The following KIF5C variants were observed in gnomAD, a reference collection of about 807,000 sequenced individuals.
KIF5C encodes the protein kinesin heavy chain isoform 5C.
A neutral mutation model predicts 125.2 loss-of-function variants in KIF5C; 18 were observed. That is an observed-to-expected ratio of 0.14 (90% CI 0.10 to 0.21). KIF5C has a LOEUF of 0.21. Ranked by LOEUF, KIF5C falls within the 10% of genes least tolerant of loss-of-function variation. KIF5C has a pLI of 1.00. For synonymous variants in KIF5C, 405 were observed against 434.0 expected (o/e 0.93, Z 0.83); for missense variants, 780 against 1,183.8 (o/e 0.66, Z 5.01).
intron 7 of KIF5C, 36 bp from the exon 8 acceptor site, chr2:148,946,863 G>A: frequency 6.2e-7 from 1 of 1,605,722 alleles, no homozygotes; most frequent in Non-Finnish European, 8.5e-7. Context: ...AAACCTACAT[G>A]TTCTTTGTAG....
At chr2:148,950,078 T>C (rs1313270055) in intron 9 of KIF5C, 135 bp downstream of exon 9, 3 of 1,387,190 alleles carry the variant, frequency 2.2e-6, no homozygotes, top group Admixed American at 5.6e-5. Flanking sequence ...ATCCTGGCTA[T>C]GGATGCCTGC....
intron 11 of KIF5C, among the ~76,000 whole-genome samples, chr2:148,971,863 C>T (rs781379936): frequency 2.0e-5 from 3 of 152,092 alleles, no homozygotes; most frequent in Non-Finnish European, 4.4e-5. Flanking sequence ...CAGGTGGGTT[C>T]CTTGAAGCAT....
At chr2:148,910,379 A>T (rs565662438) in intron 1 of KIF5C, among the ~76,000 whole-genome samples, 1 of 152,330 alleles carries the variant, frequency 6.6e-6, no homozygotes, top group Non-Finnish European at 1.5e-5. Context: ...GTCACTTGTA[A>T]AATGAAGAGT....
In KIF5C at chr2:149,010,265, G is replaced by A. The variant is rs1558947309; in HGVS notation, c.2681G>A (p.Arg894His). Residue 894 changes from arginine (R) to histidine (H), a missense_variant, in exon 24 of 26, where the codon CGT (arginine) becomes CAT (histidine). Physicochemically the swap from Arg to His is conservative, Grantham distance 29. Transcript: ENST00000435030. ...KEAKENAMRD[R>H]KRYQQEVDRI... ...GCCAAGGAGAACGCCATGCGGGACC[G>A]TAAGCGCTACCAGCAGGAGGTGGAT... 3.1e-6 allele frequency: 5 copies of A among 1,593,774 alleles called. No individual in the cohort carries two copies. The highest frequency in any genetic ancestry group is 4.3e-6 in the Non-Finnish European group (5 of 1,170,514).
At chr2:148,893,301 C>G (rs1317097177) in intron 1 of KIF5C, among the ~76,000 whole-genome samples, 2 of 152,214 alleles carry the variant, frequency 1.3e-5, no homozygotes, top group African/African-American at 2.4e-5. Context: ...TGCCAATTCT[C>G]TGCTCAAAAA....
Position 148,981,509 on chromosome 2 carries a change from A to T in KIF5C, c.1517A>T (p.Glu506Val). 3 of 1,606,956 alleles carry T rather than the reference A, an allele frequency of 1.9e-6. No individual in the cohort carries two copies. The highest frequency in any genetic ancestry group is 2.5e-6 in the Non-Finnish European group (3 of 1,176,712). ...TATGACCAGAAATCACAGGAAGTGGAGGATAAGACCCGGGCCAATGAGCAG... is the reference window on the plus strand; with the variant it reads ...TATGACCAGAAATCACAGGAAGTGGTGGATAAGACCCGGGCCAATGAGCAG... ...VNYDQKSQEV[E>V]DKTRANEQLT... The change falls in exon 14 of 26, where the codon GAG becomes GTG. Residue 506 changes from glutamate to valine, a missense_variant. This residue lies in a region of KIF5C where 573 missense variants were observed against 742.6 expected (regional missense o/e 0.77). Coordinates refer to ENST00000435030, the MANE Select transcript of KIF5C (RefSeq NM_004522.3).
intron 1 of KIF5C, among the ~76,000 whole-genome samples, chr2:148,917,448 A>T (rs1272255112): frequency 6.6e-6 from 1 of 152,244 alleles, no homozygotes; most frequent in Admixed American, 6.5e-5. Context: ...AATAGAGCAG[A>T]TAATATGGCT....
At chr2:148,911,170 G>A (rs1400107531) in intron 1 of KIF5C, among the ~76,000 whole-genome samples, 1 of 152,202 alleles carries the variant, frequency 6.6e-6, no homozygotes, top group Non-Finnish European at 1.5e-5. Context: ...CTACAGGAAT[G>A]TTTGTGCCTT....
At chr2:148,908,272 C>T (rs991429899) in intron 1 of KIF5C, among the ~76,000 whole-genome samples, 1 of 152,218 alleles carries the variant, frequency 6.6e-6, no homozygotes, top group Non-Finnish European at 1.5e-5. Context: ...CCACAGTCTG[C>T]ACATTCTTTA....
At position 148,973,413 on chromosome 2, in the gene KIF5C, A is replaced by G. The variant is rs1290380797; in HGVS notation, c.1195A>G (p.Ile399Val). ...GGAGCCTTGTGATAACACCCCCATCATAGACAATATTGCTCCTGTTGTTGC... is the reference window on the plus strand; with the variant it reads ...GGAGCCTTGTGATAACACCCCCATCGTAGACAATATTGCTCCTGTTGTTGC... ...NLEPCDNTPIIDNIAPVVAGI... is the reference protein window; with the variant it reads ...NLEPCDNTPIVDNIAPVVAGI... Residue 399 changes from isoleucine (I) to valine (V), a missense_variant, in exon 12 of 26, where the codon ATA becomes GTA. Ile to Val is a conservative substitution (Grantham distance 29). Around this residue, in one of 2 missense-constraint regions of KIF5C, gnomAD observed 573 missense variants for 742.6 expected, o/e 0.77. Coordinates refer to ENST00000435030, the MANE Select transcript of KIF5C (RefSeq NM_004522.3). The G allele has an allele frequency of 1.9e-6, 3 of 1,613,786 alleles. No homozygotes were observed. The highest frequency in any genetic ancestry group is 4.5e-5 in the East Asian group (2 of 44,882).
chr2:148,939,501 A>T (rs958419194), intron 4 of KIF5C, among the ~76,000 whole-genome samples: 7 of 152,226 alleles, frequency 4.6e-5, no homozygotes, highest in Non-Finnish European at 8.8e-5. Flanking sequence ...TCCTGGAATA[A>T]GATGTTAAAC....
intron 1 of KIF5C, among the ~76,000 whole-genome samples, chr2:148,909,898 T>C (rs2105065913): frequency 6.6e-6 from 1 of 152,340 alleles, no homozygotes; most frequent in South Asian, 2.1e-4. Context: ...GACTATTATG[T>C]GTTGTCTCTG....
chr2:148,875,801 A>G, intron 1 of KIF5C, 58 bp downstream of exon 1: 1 of 1,551,786 alleles, frequency 6.4e-7, no homozygotes, highest in Middle Eastern at 2.1e-4. Flanking sequence ...GGGCGCCCCG[A>G]CGCCCCAGAC....
At chr2:148,956,938 G>A (rs1682805455) in intron 10 of KIF5C, among the ~76,000 whole-genome samples, 1 of 152,218 alleles carries the variant, frequency 6.6e-6, no homozygotes, top group Non-Finnish European at 1.5e-5. Flanking sequence ...TAAAGAGGAT[G>A]AGTGAGCAGT....
intron 1 of KIF5C, among the ~76,000 whole-genome samples, chr2:148,892,915 C>T (rs1425962828): frequency 6.6e-6 from 1 of 152,130 alleles, no homozygotes; most frequent in East Asian, 1.9e-4. Context: ...ATTTTTTCTT[C>T]TTCAAATAAT....
intron 2 of KIF5C, among the ~76,000 whole-genome samples, chr2:148,923,940 T>C (rs760052046): frequency 1.8e-4 from 27 of 152,178 alleles, no homozygotes; most frequent in Non-Finnish European, 2.6e-4. Flanking sequence ...TCTGGATAAC[T>C]TGAGACCCAA....
rs1164555167 is a variant in KIF5C, at chr2:148,950,419, T to G, written c.925T>G (p.Phe309Val). 1 of 1,613,954 alleles carries G rather than the reference T, an allele frequency of 6.2e-7. No individual in the cohort carries two copies. The highest frequency in any genetic ancestry group is 1.7e-5 in the Admixed American group (1 of 60,022). ...CGTCATTTGCTGTTCTCCTTCTGTC[T>G]TCAATGAGGCTGAGACCAAGTCCAC... ...TIVICCSPSV[F>V]NEAETKSTLM... The change falls in exon 10 of 26, where the codon TTC becomes GTC. Residue 309 changes from phenylalanine to valine, a missense_variant. Coordinates refer to ENST00000435030, the MANE Select transcript of KIF5C (RefSeq NM_004522.3).
At chr2:148,955,392 G>C (rs1037640263) in intron 10 of KIF5C, among the ~76,000 whole-genome samples, 3 of 152,112 alleles carry the variant, frequency 2.0e-5, no homozygotes, top group Admixed American at 2.0e-4. Context: ...ATAAGGGCGA[G>C]CATCATCCAC....
At chr2:148,885,617 G>C (rs966190691) in intron 1 of KIF5C, 4 of 152,220 alleles carry the variant, frequency 2.6e-5, no homozygotes, top group African/African-American at 9.6e-5. Context: ...AAGCATATAT[G>C]TGAGAGCAGA....
Sources: allele counts gnomAD v4.1 joint callset (sites outside exome capture counted in the v4.1 genomes callset), GRCh38; gene constraint gnomAD v4.1.1; regional missense constraint gnomAD v4.1.1; transcripts MANE v1.5; gene names NCBI Gene and HGNC (gene_info 2026-07-23, HGNC 2026-07-21).